TMEM201: variants seen among roughly 807,000 people sequenced by gnomAD.
TMEM201 encodes transmembrane protein 201.
Under a neutral mutation model 63.4 loss-of-function variants are expected in TMEM201, and 26 were observed. The ratio of observed to expected loss-of-function variants is 0.41; its 90% CI spans 0.30 to 0.57. The LOEUF is 0.57. TMEM201 is among the 20% of genes least tolerant of loss of function. TMEM201 has a pLI of 0.29. For missense variants in TMEM201, 794 were observed against 917.7 expected (o/e 0.87, Z 1.74); for synonymous variants, 417 against 421.6 (o/e 0.99, Z 0.14).
At chr1:9,602,843 T>C in intron 6 of TMEM201, 1 of 985,906 alleles carries the variant, frequency 1.0e-6, no homozygotes, top group Non-Finnish European at 1.2e-6. Context: ...TGCTTATGGC[T>C]GGACCGGCCC....
intron 1 of TMEM201, among the ~76,000 whole-genome samples, chr1:9,589,637 G>A (rs1643887128): frequency 6.6e-6 from 1 of 152,246 alleles, no homozygotes; most frequent in Non-Finnish European, 1.5e-5. Context: ...AGTTCAAGAC[G>A]GGCCGGGGCC....
At position 9,602,094 on chromosome 1, in the gene TMEM201, A is replaced by G. The variant is rs748233781; in HGVS notation, c.982A>G (p.Thr328Ala). Residue 328 changes from threonine (T) to alanine (A), a missense_variant, in exon 6 of 11, where the codon ACC (threonine) becomes GCC (alanine). Thr to Ala is a moderately conservative substitution (Grantham distance 58). Coordinates refer to ENST00000340381, the MANE Select transcript of TMEM201 (RefSeq NM_001130924.3). ...IRLRRIDAFC[T>A]CLWALLLGLH... ...GCTCCGGAGGATCGATGCCTTCTGC[A>G]CCTGCCTGTGGGCCCTGCTGCTGGG... 1.2e-6 allele frequency: 2 copies of G among 1,612,142 alleles called. No individual in the cohort carries two copies. Among genetic ancestry groups the G allele is most frequent in the Non-Finnish European group, 8.5e-7 (1 of 1,179,828 alleles).
intron 4 of TMEM201, among the ~76,000 whole-genome samples, chr1:9,600,329 C>T (rs1644113106): frequency 1.3e-5 from 2 of 152,186 alleles, no homozygotes; most frequent in South Asian, 4.1e-4. Context: ...TGTGGGCTTT[C>T]TACGTGGCCC....
Position 9,605,993 on chromosome 1 carries a change from C to T in TMEM201, c.1161-1564C>T, listed in dbSNP as rs545603716. Among the ~76,000 whole-genome samples, 1 of 152,310 alleles carries T rather than the reference C, an allele frequency of 6.6e-6. No homozygotes were observed. Among genetic ancestry groups the T allele is most frequent in the East Asian group, 1.9e-4 (1 of 5,180 alleles). ...TCTGTGCTGCCGGGCAGGGTGGGCA[C>T]AGGAAGCCTAGCGCAGAGCCCTGCC... On this transcript the variant is annotated intron_variant, in intron 6 of 10. Transcript: ENST00000340381. This position sits in a 1 kb window ranked among gnomAD's most constrained non-coding sequence, Gnocchi z 5.7.
chr1:9,607,640 C>T lies in TMEM201; in HGVS notation c.1244C>T (p.Ala415Val), dbSNP rs762006337. The T allele has an allele frequency of 7.7e-6, 12 of 1,551,766 alleles. No homozygotes were observed. In the South Asian group the frequency reaches 1.1e-4, roughly 14 times the overall value. The change falls in exon 7 of 11, where the codon GCG (alanine) becomes GTG (valine). Residue 415 changes from alanine (A) to valine (V), a missense_variant. Coordinates refer to ENST00000340381, the MANE Select transcript of TMEM201 (RefSeq NM_001130924.3). The surrounding 1 kb of genome is among the most constrained non-coding windows in gnomAD (Gnocchi z 5.4). The stretch of plus-strand genomic sequence containing the variant: ...CACCCGAGTGTCGGAGGCTCTCCAG[C>T]GTCTCTGTTCATCCCCAGCCCGCCC... ...IPHPSVGGSP[A>V]SLFIPSPPSF...
intron 1 of TMEM201, 62 bp downstream of exon 1, chr1:9,589,105 C>T: frequency 1.3e-6 from 1 of 757,370 alleles, no homozygotes; most frequent in Non-Finnish European, 1.6e-6. Context: ...GCCCCCGCGC[C>T]GCCCCGGCCC....
At chr1:9,611,648 T>A in intron 9 of TMEM201, 105 bp from the exon 10 acceptor site, 2 of 1,469,062 alleles carry the variant, frequency 1.4e-6, no homozygotes, top group African/African-American at 2.8e-5. Context: ...ACAGCCTGGC[T>A]CACCACTTCT....
chr1:9,607,674 G>A lies in TMEM201; in HGVS notation c.1278G>A (p.Leu426=). 6.4e-7 allele frequency: 1 copy of A among 1,551,874 alleles called. No individual in the cohort carries two copies. Among genetic ancestry groups the A allele is most frequent in the Non-Finnish European group, 8.7e-7 (1 of 1,147,098 alleles). The change falls in exon 7 of 11, where the codon CTG becomes CTA. Residue 426 remains leucine (L), a synonymous_variant. Coordinates refer to ENST00000340381, the MANE Select transcript of TMEM201 (RefSeq NM_001130924.3). This position sits in a 1 kb window ranked among gnomAD's most constrained non-coding sequence, Gnocchi z 5.4. The part of the protein sequence containing the change: ...SLFIPSPPSF[L]PLANQQLFRS... ...TCATCCCCAGCCCGCCCAGCTTCCT[G>A]CCCCTCGCCAACCAGCAGCTCTTCC...
At chr1:9,602,597 G>A in intron 6 of TMEM201, 1 of 1,244,882 alleles carries the variant, frequency 8.0e-7, no homozygotes, top group Non-Finnish European at 1.0e-6. Context: ...CTGGCCCATG[G>A]CTTCCTACTG....
Position 9,610,236 on chromosome 1 carries a change from G to A in TMEM201, c.1466-270G>A, listed in dbSNP as rs909058654. Among the ~76,000 whole-genome samples, 1 of 152,150 alleles carries A rather than the reference G, an allele frequency of 6.6e-6. No individual in the cohort carries two copies. Among genetic ancestry groups the A allele is most frequent in the African/African-American group, 2.4e-5 (1 of 41,440 alleles). ...CCAGGGTTTGCTGCTATCTGGCCTT[G>A]CTCTCAGCTGATGGTACCCAGGGCT... is the stretch of plus-strand genomic sequence containing the variant. On this transcript the variant is annotated intron_variant, in intron 8 of 10. Coordinates refer to ENST00000340381, the MANE Select transcript of TMEM201 (RefSeq NM_001130924.3). The surrounding 1 kb of genome is among the most constrained non-coding windows in gnomAD (Gnocchi z 4.9).
At chr1:9,595,403 C>T (rs1402244385) in intron 1 of TMEM201, among the ~76,000 whole-genome samples, 1 of 152,188 alleles carries the variant, frequency 6.6e-6, no homozygotes, top group Admixed American at 6.5e-5. Flanking sequence ...CCCTTTCAAT[C>T]TGGAGGCTCC....
chr1:9,607,698 C>T lies in TMEM201; in HGVS notation c.1302C>T (p.Phe434=). 6.4e-7 allele frequency: 1 copy of T among 1,552,004 alleles called. No individual in the cohort carries two copies. Among genetic ancestry groups the T allele is most frequent in the Non-Finnish European group, 8.7e-7 (1 of 1,147,096 alleles). ...TGCCCCTCGCCAACCAGCAGCTCTT[C>T]CGGTCTCCTCGACGGACCTCACCCT... ...SFLPLANQQL[F]RSPRRTSPSS... The change falls in exon 7 of 11, where the codon TTC becomes TTT. Residue 434 remains phenylalanine, a synonymous_variant. Coordinates refer to ENST00000340381, the MANE Select transcript of TMEM201 (RefSeq NM_001130924.3). This position sits in a 1 kb window ranked among gnomAD's most constrained non-coding sequence, Gnocchi z 5.4.
At chr1:9,601,039 C>T in intron 4 of TMEM201, 66 bp from the exon 5 acceptor site, 1 of 1,412,314 alleles carries the variant, frequency 7.1e-7, no homozygotes. Flanking sequence ...CACAGACTGG[C>T]ACCGGTGATG....
chr1:9,608,612 C>T lies in TMEM201; in HGVS notation c.1393+823C>T, dbSNP rs530151125. The stretch of plus-strand genomic sequence containing the variant: ...TTGGGGTGGGAGGTGCCAGGAGCAG[C>T]CCTGCCCTGGGCCTGAGCACTCCGA... On this transcript the variant is annotated intron_variant, in intron 7 of 10. Transcript: ENST00000340381. The surrounding 1 kb of genome is among the most constrained non-coding windows in gnomAD (Gnocchi z 4.3). Among the ~76,000 whole-genome samples, 7 of 152,334 alleles carry T rather than the reference C, an allele frequency of 4.6e-5. No homozygotes were observed. The South Asian group carries it at 1.4e-3, about 32-fold the overall frequency.
intron 2 of TMEM201, 58 bp from the exon 3 acceptor site, chr1:9,596,801 C>A (rs1164618415): frequency 6.5e-7 from 1 of 1,532,828 alleles, no homozygotes; most frequent in South Asian, 1.3e-5. Context: ...AGGGACATCA[C>A]CAAGCCTGAG....
intron 10 of TMEM201, 74 bp from the exon 11 acceptor site, chr1:9,612,912 C>A: frequency 1.5e-6 from 2 of 1,322,238 alleles, no homozygotes; most frequent in Non-Finnish European, 2.1e-6. Context: ...AAACTGCATG[C>A]TCTAGGGGGC....
intron 2 of TMEM201, 130 bp downstream of exon 2, chr1:9,596,140 C>T: frequency 8.4e-7 from 1 of 1,195,428 alleles, no homozygotes; most frequent in Non-Finnish European, 1.2e-6. Flanking sequence ...ACCCTGTCCT[C>T]TCCAGGCCCT....
At chr1:9,612,028 C>A (rs1407375916) in intron 10 of TMEM201, 138 bp downstream of exon 10, 5 of 1,037,040 alleles carry the variant, frequency 4.8e-6, no homozygotes, top group African/African-American at 1.6e-5. Context: ...AGTAACCCAC[C>A]CGGCGCCTCT....
At chr1:9,597,095 G>A (rs1470055475) in intron 3 of TMEM201, 42 bp downstream of exon 3, 5 of 1,569,778 alleles carry the variant, frequency 3.2e-6, no homozygotes, top group East Asian at 2.3e-5. Context: ...GCTGGGGCCA[G>A]GGATGCTTAG....
Sources: allele counts gnomAD v4.1 joint callset (sites outside exome capture counted in the v4.1 genomes callset), GRCh38; gene constraint gnomAD v4.1.1; non-coding constraint Gnocchi (gnomAD v3.1); transcripts MANE v1.5; gene names NCBI Gene and HGNC (gene_info 2026-07-23, HGNC 2026-07-21).